Variants in BTBD9 observed in about 807,000 individuals in gnomAD.
The protein encoded by BTBD9 is BTB/POZ domain-containing protein 9.
A neutral mutation model predicts 64.3 loss-of-function variants in BTBD9; 49 were observed. That is an observed-to-expected ratio of 0.76 (90% confidence interval 0.61 to 0.97). The LOEUF (loss-of-function observed/expected upper bound fraction) is 0.97. Ranked by LOEUF, BTBD9 falls within the 50% of genes least tolerant of loss-of-function variation. The pLI is 0.00. For synonymous variants in BTBD9, 260 were observed against 274.7 expected (o/e 0.95, Z 0.53); for missense variants, 598 against 762.1 (o/e 0.78, Z 2.53).
chr6:38,427,889 A>G (rs1457017055), intron 6 of BTBD9, among the ~76,000 whole-genome samples: 1 of 151,942 alleles, frequency 6.6e-6, no homozygotes, highest in Non-Finnish European at 1.5e-5. Context: ...GCAAGATTAA[A>G]CTGTTCCTGT....
At chr6:38,301,866 C>T (rs1459625996) in intron 7 of BTBD9, among the ~76,000 whole-genome samples, 1 of 152,014 alleles carries the variant, frequency 6.6e-6, no homozygotes, top group Non-Finnish European at 1.5e-5. Flanking sequence ...TCCTTCAGTT[C>T]TGCTCTGATC....
At chr6:38,351,277 T>C (rs1764495324) in intron 6 of BTBD9, among the ~76,000 whole-genome samples, 1 of 152,214 alleles carries the variant, frequency 6.6e-6, no homozygotes, top group South Asian at 2.1e-4. Flanking sequence ...CAGAGGCTAC[T>C]GTCTCAGAGA....
At chr6:38,185,846 G>A (rs1426139791) in intron 10 of BTBD9, among the ~76,000 whole-genome samples, 1 of 152,266 alleles carries the variant, frequency 6.6e-6, no homozygotes, top group East Asian at 1.9e-4. Context: ...TCTCGCTTCT[G>A]TCCTTCAACA....
intron 6 of BTBD9, among the ~76,000 whole-genome samples, chr6:38,524,530 G>A (rs1241302721): frequency 6.6e-6 from 1 of 152,098 alleles, no homozygotes; most frequent in Non-Finnish European, 1.5e-5. Flanking sequence ...AATTATCTAA[G>A]TTGTCCCTTA....
intron 7 of BTBD9, among the ~76,000 whole-genome samples, chr6:38,316,003 ATATATT>A (rs1345440781): frequency 6.6e-6 from 1 of 152,150 alleles, no homozygotes; most frequent in Non-Finnish European, 1.5e-5. Flanking sequence ...TTGGGTGCAT[ATATATT>A]TATAATTGTC....
intron 7 of BTBD9, among the ~76,000 whole-genome samples, chr6:38,303,662 C>T (rs1762493874): frequency 6.6e-6 from 1 of 151,756 alleles, no homozygotes; most frequent in African/African-American, 2.4e-5. Context: ...GCATCAACAT[C>T]ACAGACTATC....
At chr6:38,327,646 G>A (rs989099210) in intron 7 of BTBD9, among the ~76,000 whole-genome samples, 3 of 152,112 alleles carry the variant, frequency 2.0e-5, no homozygotes, top group African/African-American at 4.8e-5. Context: ...GTAGACACTC[G>A]TGAAACCATC....
chr6:38,466,285 T>A (rs1770384959), intron 6 of BTBD9, among the ~76,000 whole-genome samples: 2 of 1,834 alleles, frequency 1.1e-3, no homozygotes, highest in Admixed American at 8.1e-3. Context: ...TCCTTTTCCT[T>A]TTTTTTTTTT....
At chr6:38,236,779 A>G (rs541915384) in intron 9 of BTBD9, among the ~76,000 whole-genome samples, 6 of 152,214 alleles carry the variant, frequency 3.9e-5, no homozygotes, top group East Asian at 3.8e-4. Context: ...AGTGCATTTC[A>G]TGTGCAGAGT....
At chr6:38,253,304 G>A (rs1764465257) in intron 9 of BTBD9, among the ~76,000 whole-genome samples, 1 of 152,178 alleles carries the variant, frequency 6.6e-6, no homozygotes, top group South Asian at 2.1e-4. Context: ...AGAAGGCGAA[G>A]GTTAGGCAAG....
intron 7 of BTBD9, among the ~76,000 whole-genome samples, chr6:38,296,936 T>C (rs981040880): frequency 2.0e-5 from 3 of 152,220 alleles, no homozygotes; most frequent in Non-Finnish European, 4.4e-5. Context: ...TTCTTATGAA[T>C]GTCTTATGTG....
chr6:38,582,925 T>C (rs961588853), intron 4 of BTBD9, among the ~76,000 whole-genome samples: 7 of 152,214 alleles, frequency 4.6e-5, no homozygotes, highest in Admixed American at 2.6e-4. Context: ...TGAGGACTCA[T>C]CCTGTACCAG....
At chr6:38,266,504 A>C (rs946946561) in intron 8 of BTBD9, among the ~76,000 whole-genome samples, 1 of 151,828 alleles carries the variant, frequency 6.6e-6, no homozygotes, top group Non-Finnish European at 1.5e-5. Flanking sequence ...ACCCGAGAGA[A>C]GGGGGTTGCA....
chr6:38,368,587 C>A (rs532459954), intron 6 of BTBD9, among the ~76,000 whole-genome samples: 22 of 152,154 alleles, frequency 1.4e-4, no homozygotes, highest in Non-Finnish European at 2.8e-4. Context: ...CCCACCTCAG[C>A]CTCCCAAAGT....
At chr6:38,407,803 T>G (rs1767235888) in intron 6 of BTBD9, among the ~76,000 whole-genome samples, 1 of 152,174 alleles carries the variant, frequency 6.6e-6, no homozygotes, top group African/African-American at 2.4e-5. Context: ...GCAATGGAAA[T>G]AATTATCAAA....
At chr6:38,543,784 C>T (rs1774399161) in intron 6 of BTBD9, among the ~76,000 whole-genome samples, 1 of 152,002 alleles carries the variant, frequency 6.6e-6, no homozygotes, top group African/African-American at 2.4e-5. Flanking sequence ...AGTGAAACCC[C>T]GTTTCTACTA....
chr6:38,411,971 A>T (rs1767448196), intron 6 of BTBD9, among the ~76,000 whole-genome samples: 1 of 152,136 alleles, frequency 6.6e-6, no homozygotes, highest in African/African-American at 2.4e-5. Context: ...ACATATACAC[A>T]CACACATACA....
At chr6:38,570,384 T>C (rs1286687584) in intron 6 of BTBD9, among the ~76,000 whole-genome samples, 1 of 152,198 alleles carries the variant, frequency 6.6e-6, no homozygotes, top group African/African-American at 2.4e-5. Flanking sequence ...AAATTTAGCT[T>C]TTCTAAGGCT....
intron 10 of BTBD9, among the ~76,000 whole-genome samples, chr6:38,190,852 A>G (rs78824657): frequency 0.038 from 5,776 of 152,276 alleles, 360 homozygotes; most frequent in African/African-American, 0.13. Flanking sequence ...GCCCTAGAAG[A>G]AGGCCCTGGG....
Sources: allele counts gnomAD v4.1 joint callset (sites outside exome capture counted in the v4.1 genomes callset), GRCh38; gene constraint gnomAD v4.1.1; transcripts MANE v1.5; gene names NCBI Gene and HGNC (gene_info 2026-07-23, HGNC 2026-07-21).